ROBO2: variants seen among roughly 807,000 people sequenced by gnomAD.
ROBO2 encodes roundabout guidance receptor 2.
Under a neutral mutation model 160.8 loss-of-function variants are expected in ROBO2, and 53 were observed. The ratio of observed to expected loss-of-function variants is 0.33; its 90% confidence interval spans 0.26 to 0.41. The LOEUF (loss-of-function observed/expected upper bound fraction) is 0.41, where lower values mean the gene tolerates loss of function less well. Among genes scored for constraint, ROBO2 ranks in the 10% least tolerant of loss-of-function variants. ROBO2 has a pLI of 1.00. For missense variants in ROBO2, 1,577 were observed against 1,722.4 expected (o/e 0.92, Z 1.49); for synonymous variants, 664 against 611.7 (o/e 1.09, Z -1.26).
intron 2 of ROBO2, among the ~76,000 whole-genome samples, chr3:76,653,915 T>TA (rs1479617787): frequency 6.6e-6 from 1 of 152,166 alleles, no homozygotes; most frequent in African/African-American, 2.4e-5. Flanking sequence ...GATCTCCTCT[T>TA]ACCTTTTTAA....
At chr3:76,534,152 G>A (rs886645064) in intron 2 of ROBO2, among the ~76,000 whole-genome samples, 2 of 152,112 alleles carry the variant, frequency 1.3e-5, no homozygotes, top group Non-Finnish European at 2.9e-5. Context: ...TCTCAGGACT[G>A]CTTCAAGCGT....
chr3:76,643,065 A>AGGTCTTTCTGTATTAAAAGAG (rs1350276551), intron 2 of ROBO2, among the ~76,000 whole-genome samples: 1 of 152,202 alleles, frequency 6.6e-6, no homozygotes, highest in Non-Finnish European at 1.5e-5. Context: ...TTAGTAGCTT[A>AGGTCTTTCTGTATTAAAAGAG]GGTCTTTCTG....
At chr3:76,158,816 A>G (rs1442966340) in intron 2 of ROBO2, among the ~76,000 whole-genome samples, 1 of 152,208 alleles carries the variant, frequency 6.6e-6, no homozygotes, top group Non-Finnish European at 1.5e-5. Flanking sequence ...TCCTGAGTCA[A>G]ACTATCATGG....
chr3:77,369,569 T>C (rs1373729627), intron 2 of ROBO2, among the ~76,000 whole-genome samples: 1 of 152,182 alleles, frequency 6.6e-6, no homozygotes, highest in Non-Finnish European at 1.5e-5. Context: ...GACCCTTTTT[T>C]GGTAGCTGCA....
At chr3:76,056,607 G>A (rs183230186) in intron 2 of ROBO2, among the ~76,000 whole-genome samples, 34 of 152,240 alleles carry the variant, frequency 2.2e-4, no homozygotes, top group Non-Finnish European at 3.8e-4. Context: ...GTTCTTACAT[G>A]TATCACTACA....
At chr3:76,133,651 T>A (rs1014299903) in intron 2 of ROBO2, among the ~76,000 whole-genome samples, 3 of 152,078 alleles carry the variant, frequency 2.0e-5, no homozygotes, top group Non-Finnish European at 2.9e-5. Context: ...ATCACTGGTG[T>A]TAAGTCCAAG....
chr3:77,539,754 TAAGG>T (rs1408338162), intron 6 of ROBO2, among the ~76,000 whole-genome samples: 1 of 152,126 alleles, frequency 6.6e-6, no homozygotes, highest in Non-Finnish European at 1.5e-5. Flanking sequence ...CAAACTGAAC[TAAGG>T]AAGTCAGACA....
intron 2 of ROBO2, among the ~76,000 whole-genome samples, chr3:76,360,239 C>T (rs2075427542): frequency 6.6e-6 from 1 of 152,082 alleles, no homozygotes; most frequent in East Asian, 1.9e-4. Flanking sequence ...TTTCGGTTTT[C>T]CAGCTTTAAT....
chr3:76,201,765 A>G (rs1434836063), intron 2 of ROBO2, among the ~76,000 whole-genome samples: 1 of 151,924 alleles, frequency 6.6e-6, no homozygotes, highest in Non-Finnish European at 1.5e-5. Flanking sequence ...CTGCACAGGG[A>G]ATTAGTGCTT....
At chr3:77,561,293 A>G (rs965677173) in intron 9 of ROBO2, among the ~76,000 whole-genome samples, 3 of 152,156 alleles carry the variant, frequency 2.0e-5, no homozygotes, top group Non-Finnish European at 4.4e-5. Context: ...AATTAGACTG[A>G]TGTTCATCAC....
At chr3:76,744,397 C>T (rs531631478) in intron 2 of ROBO2, among the ~76,000 whole-genome samples, 6 of 151,920 alleles carry the variant, frequency 3.9e-5, no homozygotes, top group South Asian at 2.1e-4. Context: ...TCTCCTTATG[C>T]CACCCAGGCT....
chr3:76,183,019 T>G (rs764220566), intron 2 of ROBO2, among the ~76,000 whole-genome samples: 3 of 152,142 alleles, frequency 2.0e-5, no homozygotes, highest in Non-Finnish European at 4.4e-5. Context: ...TGGGTGATTT[T>G]TCTGTTTCAA....
chr3:76,822,936 A>G (rs1473015239), intron 2 of ROBO2, among the ~76,000 whole-genome samples: 1 of 151,974 alleles, frequency 6.6e-6, no homozygotes. Context: ...AAAACAAGGT[A>G]TTTTTCTTAT....
intron 2 of ROBO2, among the ~76,000 whole-genome samples, chr3:76,436,159 A>AACGCACACACACACACACACACAC (rs2076666145): frequency 7.1e-6 from 1 of 140,522 alleles, no homozygotes; most frequent in African/African-American, 2.7e-5. Context: ...TTAAAAGGAA[A>AACGCACACACACACACACACACAC]ACACACACAC....
chr3:76,159,970 C>T (rs946040984), intron 2 of ROBO2, among the ~76,000 whole-genome samples: 1 of 152,108 alleles, frequency 6.6e-6, no homozygotes, highest in Non-Finnish European at 1.5e-5. Flanking sequence ...ATTGCCTGTA[C>T]TTGATGAAAG....
chr3:76,780,785 T>A (rs529835742), intron 2 of ROBO2, among the ~76,000 whole-genome samples: 2 of 150,866 alleles, frequency 1.3e-5, no homozygotes, highest in Non-Finnish European at 3.0e-5. Flanking sequence ...TATCTGTTTC[T>A]ATGCCAGTAC....
At chr3:76,071,441 A>T (rs2068450188) in intron 2 of ROBO2, among the ~76,000 whole-genome samples, 1 of 152,322 alleles carries the variant, frequency 6.6e-6, no homozygotes, top group African/African-American at 2.4e-5. Context: ...TATATTAAGT[A>T]TAAAATGTTA....
chr3:76,626,368 C>T (rs2089640791), intron 2 of ROBO2, among the ~76,000 whole-genome samples: 1 of 151,832 alleles, frequency 6.6e-6, no homozygotes, highest in Admixed American at 6.6e-5. Context: ...GGAGGCTGAG[C>T]CTGGAGAAGA....
At chr3:77,264,462 A>G (rs1047394079) in intron 2 of ROBO2, among the ~76,000 whole-genome samples, 2 of 152,198 alleles carry the variant, frequency 1.3e-5, no homozygotes, top group Non-Finnish European at 2.9e-5. Context: ...CATTTGGAGA[A>G]AGATAGTAAT....
Sources: allele counts gnomAD v4.1 joint callset (sites outside exome capture counted in the v4.1 genomes callset), GRCh38; gene constraint gnomAD v4.1.1; transcripts MANE v1.5; gene names NCBI Gene and HGNC (gene_info 2026-07-23, HGNC 2026-07-21).